EML6: variants seen among roughly 807,000 people sequenced by gnomAD.
EML6 encodes the protein EMAP like 6, also known as echinoderm microtubule-associated protein-like 6.
In EML6, 154 loss-of-function variants were observed where a neutral mutation model predicts 240.1. The observed-to-expected ratio is 0.64, with a 90% CI of 0.56 to 0.73. The LOEUF is 0.73. Ranked by LOEUF, EML6 falls within the 30% of genes least tolerant of loss-of-function variation. The pLI is 0.00. For missense variants in EML6, 2,964 were observed against 2,474.6 expected (o/e 1.20, Z -4.20); for synonymous variants, 1,148 against 899.0 (o/e 1.28, Z -4.95).
chr2:54,899,430 AT>A (rs1408221045), intron 21 of EML6, among the ~76,000 whole-genome samples: 1 of 152,248 alleles, frequency 6.6e-6, no homozygotes, highest in Non-Finnish European at 1.5e-5. Context: ...CAAATGAATG[AT>A]TTAGCATCGT....
In EML6 at chr2:54,813,334, T is replaced by A. The variant is rs1286752368; in HGVS notation, c.300T>A (p.Leu100=). The change falls in exon 3 of 42, where the codon CTT becomes CTA. Residue 100 remains leucine, a synonymous_variant. Coordinates refer to ENST00000356458, the MANE Select transcript of EML6 (RefSeq NM_001039753.4). ...CCTATAATGTCCAGACTGTGTCTCT[T>A]CTTAAAGATGTCCATACACATGGAG... is the stretch of plus-strand genomic sequence containing the variant. ...WDSYNVQTVS[L]LKDVHTHGVA... 2 of 1,551,566 alleles carry A rather than the reference T, an allele frequency of 1.3e-6. No homozygotes were observed. Among genetic ancestry groups the A allele is most frequent in the Non-Finnish European group, 1.7e-6 (2 of 1,146,842 alleles).
chr2:54,952,300 C>T (rs1219955129), intron 30 of EML6, among the ~76,000 whole-genome samples: 1 of 152,146 alleles, frequency 6.6e-6, no homozygotes, highest in Non-Finnish European at 1.5e-5. Flanking sequence ...CTGGAAACCC[C>T]TGTACTTGAA....
chr2:54,873,245 C>G (rs552697189), intron 16 of EML6, among the ~76,000 whole-genome samples: 2 of 152,306 alleles, frequency 1.3e-5, no homozygotes, highest in South Asian at 2.1e-4. Flanking sequence ...AATTACTCTA[C>G]AAATCTGAGC....
In EML6 at chr2:54,879,650, T is replaced by C; in HGVS notation, c.2438+10T>C. The C allele has an allele frequency of 1.3e-6, 2 of 1,491,340 alleles. No homozygotes were observed. Among genetic ancestry groups the C allele is most frequent in the Non-Finnish European group, 1.8e-6 (2 of 1,091,746 alleles). The allele number at this position is 1,491,340 out of a possible 1,614,324, so 92.4% of individuals were successfully genotyped here. A position where few individuals can be genotyped will look rare whatever the true frequency, so the allele number is the denominator to read the frequency against. ...AGATAGCCACAACAAGGTAAGAAGC[T>C]GCCGGGATCTTACGGTATCCTGCTG... On this transcript the variant is annotated intron_variant, in intron 17 of 41. Coordinates refer to ENST00000356458, the MANE Select transcript of EML6 (RefSeq NM_001039753.4).
chr2:54,729,839 G>A lies in EML6; in HGVS notation c.197+4581G>A, dbSNP rs115655396. ...GAATTCTGCCTGGAAATGGGACCAT[G>A]TTTAAGTTTGCTTTAGAAACATCCC... On this transcript the variant is annotated intron_variant, in intron 2 of 41. Coordinates refer to ENST00000356458, the MANE Select transcript of EML6 (RefSeq NM_001039753.4). 2.7e-3 allele frequency among the ~76,000 whole-genome samples: 417 copies of A among 152,328 alleles called. 2 individuals carry two copies. Among genetic ancestry groups the A allele is most frequent in the African/African-American group, 9.3e-3 (388 of 41,582 alleles).
chr2:54,854,382 C>T (rs574948226), intron 11 of EML6, among the ~76,000 whole-genome samples: 1 of 151,842 alleles, frequency 6.6e-6, no homozygotes, highest in Non-Finnish European at 1.5e-5. Flanking sequence ...CCCTCTTTGC[C>T]CTCATGTTTT....
intron 28 of EML6, among the ~76,000 whole-genome samples, chr2:54,941,701 C>G (rs1333972654): frequency 6.6e-6 from 1 of 152,230 alleles, no homozygotes; most frequent in African/African-American, 2.4e-5. Flanking sequence ...CAGAGATCTG[C>G]AGTTGCATGT....
intron 2 of EML6, among the ~76,000 whole-genome samples, chr2:54,727,420 T>C (rs953817461): frequency 6.6e-6 from 1 of 152,256 alleles, no homozygotes; most frequent in African/African-American, 2.4e-5. Flanking sequence ...ATTATGGAAT[T>C]AAGAGCTATG....
At chr2:54,961,184 G>GTTGGTTTTTTTTTTTTTTT in intron 35 of EML6, among the ~76,000 whole-genome samples, 1 of 55,424 alleles carries the variant, frequency 1.8e-5, no homozygotes, top group Admixed American at 2.7e-4. Flanking sequence ...TCAGGAAGTA[G>GTTGGTTTTTTTTTTTTTTT]TTTTTTTTTT....
chr2:54,948,816 C>A, intron 28 of EML6, 66 bp from the exon 29 acceptor site: 1 of 1,310,396 alleles, frequency 7.6e-7, no homozygotes, highest in Non-Finnish European at 1.1e-6. Flanking sequence ...AGACAGGCCA[C>A]ACCGGGAAGG....
At chr2:54,942,444 G>C (rs1209609267) in intron 28 of EML6, among the ~76,000 whole-genome samples, 1 of 152,162 alleles carries the variant, frequency 6.6e-6, no homozygotes, top group Non-Finnish European at 1.5e-5. Context: ...CTCCATCTGG[G>C]GGGAATGGGC....
At chr2:54,781,645 A>C (rs1668862643) in intron 2 of EML6, among the ~76,000 whole-genome samples, 1 of 152,194 alleles carries the variant, frequency 6.6e-6, no homozygotes, top group African/African-American at 2.4e-5. Context: ...GCATGAATTT[A>C]CAAGTATAAA....
chr2:54,954,104 G>A lies in EML6; in HGVS notation c.4434G>A (p.Val1478=). 6.4e-7 allele frequency: 1 copy of A among 1,551,696 alleles called. No individual in the cohort carries two copies. Among genetic ancestry groups the A allele is most frequent in the Non-Finnish European group, 8.7e-7 (1 of 1,146,996 alleles). Residue 1478 remains valine (V), a synonymous_variant, in exon 32 of 42, where the codon GTG becomes GTA. Coordinates refer to ENST00000356458, the MANE Select transcript of EML6 (RefSeq NM_001039753.4). ...INFSATGKLL[V]SVGVDPEHTI... ...TCAGTGCAACTGGAAAGCTCCTGGT[G>A]TCGGTGGGAGTGGACCCTGAGCACA...
At chr2:54,742,685 C>G (rs1035326705) in intron 2 of EML6, among the ~76,000 whole-genome samples, 11 of 152,218 alleles carry the variant, frequency 7.2e-5, no homozygotes, top group Non-Finnish European at 1.2e-4. Context: ...TCTACCACTT[C>G]TTAGTTGTTA....
chr2:54,732,694 T>C (rs1008357198), intron 2 of EML6, among the ~76,000 whole-genome samples: 2 of 152,200 alleles, frequency 1.3e-5, no homozygotes, highest in African/African-American at 2.4e-5. Flanking sequence ...CTAGAAGAAA[T>C]AGAAACCATA....
At chr2:54,867,765 A>G (rs1671046529) in intron 14 of EML6, 1 of 152,170 alleles carries the variant, frequency 6.6e-6, no homozygotes, top group South Asian at 2.1e-4. Context: ...GAAAAAAAAT[A>G]CCTGAAGAAG....
At chr2:54,792,453 G>C (rs1038732014) in intron 2 of EML6, among the ~76,000 whole-genome samples, 1 of 152,200 alleles carries the variant, frequency 6.6e-6, no homozygotes. Context: ...CTCACTCCTA[G>C]ATATCTGACC....
At chr2:54,943,833 C>G (rs144605376) in intron 28 of EML6, among the ~76,000 whole-genome samples, 1 of 152,296 alleles carries the variant, frequency 6.6e-6, no homozygotes, top group East Asian at 1.9e-4. Context: ...CTGTTAAAAA[C>G]TTTTCAGTAG....
At chr2:54,856,409 A>C (rs1338478512) in intron 11 of EML6, among the ~76,000 whole-genome samples, 1 of 152,160 alleles carries the variant, frequency 6.6e-6, no homozygotes, top group Non-Finnish European at 1.5e-5. Flanking sequence ...CCTCCTTTGC[A>C]TTACACCTCA....
Sources: allele counts gnomAD v4.1 joint callset (sites outside exome capture counted in the v4.1 genomes callset), GRCh38; gene constraint gnomAD v4.1.1; transcripts MANE v1.5; gene names NCBI Gene and HGNC (gene_info 2026-07-23, HGNC 2026-07-21).